TMEM60: variants seen among roughly 807,000 people sequenced by gnomAD.
The protein encoded by TMEM60 is transmembrane protein 60.
In TMEM60, 4 loss-of-function variants were observed where a neutral mutation model predicts 10.7. The ratio of observed to expected loss-of-function variants is 0.37; its 90% CI spans 0.18 to 0.86. The LOEUF (loss-of-function observed/expected upper bound fraction) is 0.86, where lower values mean the gene tolerates loss of function less well. Ranked by LOEUF, TMEM60 falls within the 40% of genes least tolerant of loss-of-function variation. The pLI is 0.43. For missense variants in TMEM60, 128 were observed against 153.4 expected, an observed-to-expected ratio of 0.83 and a Z score of 0.88; for synonymous variants, 56 against 58.1, an observed-to-expected ratio of 0.96 and a Z score of 0.17.
chr7:77,797,964 C>A (rs530812946), intron 1 of TMEM60, among the ~76,000 whole-genome samples: 1 of 152,384 alleles, frequency 6.6e-6, no homozygotes, highest in East Asian at 1.9e-4. Context: ...GGCCTATTTG[C>A]CCCTGGAACT....
At chr7:77,794,900 A>C (rs1792151975) in intron 1 of TMEM60, among the ~76,000 whole-genome samples, 2 of 152,210 alleles carry the variant, frequency 1.3e-5, no homozygotes, top group Non-Finnish European at 2.9e-5. Flanking sequence ...TCATGCCAGT[A>C]ATCCCAGTAT....
chr7:77,798,040 C>A (rs1314942791), intron 1 of TMEM60, among the ~76,000 whole-genome samples: 1 of 152,228 alleles, frequency 6.6e-6, no homozygotes, highest in East Asian at 1.9e-4. Context: ...GGCGCCCCAC[C>A]GGGACGCTCC....
At chr7:77,797,654 G>C (rs377111853) in intron 1 of TMEM60, among the ~76,000 whole-genome samples, 2 of 152,148 alleles carry the variant, frequency 1.3e-5, no homozygotes, top group Admixed American at 6.5e-5. Context: ...TCTGGCACTA[G>C]GAAGACAGTT....
chr7:77,797,956 C>A (rs561992843), intron 1 of TMEM60, among the ~76,000 whole-genome samples: 2 of 152,250 alleles, frequency 1.3e-5, no homozygotes, highest in African/African-American at 4.8e-5. Context: ...CATCTGGGGG[C>A]CTATTTGCCC....
At chr7:77,796,937 C>G (rs759876583) in intron 1 of TMEM60, among the ~76,000 whole-genome samples, 34 of 152,298 alleles carry the variant, frequency 2.2e-4, no homozygotes, top group Non-Finnish European at 3.4e-4. Flanking sequence ...TATTAGTCTC[C>G]TAACTCACCT....
Position 77,793,877 on chromosome 7 carries a change from C to T in TMEM60, c.*95G>A. 2 of 1,353,892 alleles carry T rather than the reference C, an allele frequency of 1.5e-6. No homozygotes were observed. Among genetic ancestry groups the T allele is most frequent in the Admixed American group, 2.8e-5 (1 of 35,506 alleles). The allele number at this position is 1,353,892 out of a possible 1,614,324, so 83.9% of individuals were successfully genotyped here. ...TATAAAACTACATTTGGTATTTTCC[C>T]TCAGTTCTCTGGTATTCTTGAAGCT... On this transcript the variant is annotated 3_prime_UTR_variant, in exon 2 of 2. Coordinates refer to ENST00000257663, the MANE Select transcript of TMEM60 (RefSeq NM_032936.4).
At chr7:77,797,664 T>C (rs1379391161) in intron 1 of TMEM60, among the ~76,000 whole-genome samples, 1 of 152,190 alleles carries the variant, frequency 6.6e-6, no homozygotes, top group Non-Finnish European at 1.5e-5. Context: ...GGAAGACAGT[T>C]AAATATTTGT....
Position 77,794,392 on chromosome 7 carries a change from C to A in TMEM60, c.-19G>T. 6.8e-7 allele frequency: 1 copy of A among 1,464,932 alleles called. No homozygotes were observed. Among genetic ancestry groups the A allele is most frequent in the Non-Finnish European group, 9.0e-7 (1 of 1,109,140 alleles). The allele number at this position is 1,464,932 out of a possible 1,614,324, so 90.7% of individuals were successfully genotyped here. A position where few individuals can be genotyped will look rare whatever the true frequency, so the allele number is the denominator to read the frequency against. ...TTCTCATTTAAACAGTTTAAAGAGG[C>A]TGTTGCAGGATCGGAAAAAAGGAAA... On this transcript the variant is annotated 5_prime_UTR_variant, in exon 2 of 2. Transcript: ENST00000257663.
In TMEM60 at chr7:77,795,864, A is replaced by G. The variant is rs79887267; in HGVS notation, c.-50-1441T>C. Among the ~76,000 whole-genome samples the G allele has an allele frequency of 6.3e-4, 96 of 152,088 alleles. No individual in the cohort carries two copies. In the East Asian group the frequency reaches 0.017, roughly 27 times the overall value. Reference sequence around the variant, plus strand: ...TATGTTTCTCTTTTGCACTAATACTATATGACTTAGTGTTGCTCTAGGAAT... The same window carrying G: ...TATGTTTCTCTTTTGCACTAATACTGTATGACTTAGTGTTGCTCTAGGAAT... On this transcript the variant is annotated intron_variant, in intron 1 of 1. Coordinates refer to ENST00000257663, the MANE Select transcript of TMEM60 (RefSeq NM_032936.4).
chr7:77,797,003 G>A (rs1792183705), intron 1 of TMEM60, among the ~76,000 whole-genome samples: 4 of 152,108 alleles, frequency 2.6e-5, no homozygotes, highest in African/African-American at 7.2e-5. Context: ...ATTGGCAAAG[G>A]CTTCATACTG....
Position 77,798,368 on chromosome 7 carries a change from A to G in TMEM60, c.-165T>C, listed in dbSNP as rs1330871455. 1 of 152,182 alleles carries G rather than the reference A, an allele frequency of 6.6e-6. No individual in the cohort carries two copies. The highest frequency in any genetic ancestry group is 1.5e-5 in the Non-Finnish European group (1 of 68,050). 9.4% of individuals were successfully genotyped at this position (152,182 alleles called of 1,614,324 possible). A position where few individuals can be genotyped will look rare whatever the true frequency, so the allele number is the denominator to read the frequency against. On this transcript the variant is annotated 5_prime_UTR_variant, in exon 1 of 2. The change abolishes an upstream ATG in the 5' untranslated region. Coordinates refer to ENST00000257663, the MANE Select transcript of TMEM60 (RefSeq NM_032936.4). ...CCCCATTAAATCCAGAACCCGTCAC[A>G]TGATAATTAAGAAAAAACTTCAGTT...
Position 77,793,967 on chromosome 7 carries a change from A to C in TMEM60, c.*5T>G. The C allele has an allele frequency of 6.4e-7, 1 of 1,553,212 alleles. No individual in the cohort carries two copies. The highest frequency in any genetic ancestry group is 2.1e-5 in the Admixed American group (1 of 48,218). ...GCAATAGAAAGGAGATGATGTACTT[A>C]GAAGTCAGTCTCTCACAAAAAAGAC... On this transcript the variant is annotated 3_prime_UTR_variant, in exon 2 of 2. Transcript: ENST00000257663.
intron 1 of TMEM60, 76 bp from the exon 2 acceptor site, chr7:77,794,499 C>G: frequency 2.0e-6 from 2 of 989,540 alleles, no homozygotes; most frequent in South Asian, 5.8e-5. Context: ...ATGAACAAAA[C>G]TGGTTCTTTC....
chr7:77,794,558 A>G (rs1156889415), intron 1 of TMEM60, 135 bp from the exon 2 acceptor site: 5 of 559,458 alleles, frequency 8.9e-6, no homozygotes, highest in African/African-American at 7.8e-5. Flanking sequence ...TTCCTTTCAA[A>G]TCCTCTAAAA....
chr7:77,795,681 T>C (rs1036527686), intron 1 of TMEM60, among the ~76,000 whole-genome samples: 1 of 152,224 alleles, frequency 6.6e-6, no homozygotes, highest in Non-Finnish European at 1.5e-5. Context: ...CTTTTAACAA[T>C]AGTCTCACTG....
intron 1 of TMEM60, among the ~76,000 whole-genome samples, chr7:77,797,641 A>G (rs903229539): frequency 1.3e-5 from 2 of 152,176 alleles, no homozygotes; most frequent in African/African-American, 2.4e-5. Flanking sequence ...TAAGGTGGTT[A>G]TTTCTGGCAC....
chr7:77,794,390 G>C lies in TMEM60; in HGVS notation c.-17C>G, dbSNP rs575965914. On this transcript the variant is annotated 5_prime_UTR_variant, in exon 2 of 2. Transcript: ENST00000257663. ...CATTCTCATTTAAACAGTTTAAAGA[G>C]GCTGTTGCAGGATCGGAAAAAAGGA... 1.4e-6 allele frequency: 2 copies of C among 1,473,448 alleles called. No individual in the cohort carries two copies. The highest frequency in any genetic ancestry group is 1.6e-5 in the South Asian group (1 of 62,490). The allele number at this position is 1,473,448 out of a possible 1,614,324, so 91.3% of individuals were successfully genotyped here.
rs1240052417 is a variant in TMEM60 at position 77,793,986 on chromosome 7, A to C, written c.388T>G (p.Phe130Val). 2 of 1,569,660 alleles carry C rather than the reference A, an allele frequency of 1.3e-6. No homozygotes were observed. The highest frequency in any genetic ancestry group is 2.4e-5 in the South Asian group (2 of 83,496). ...ALTELGYNVF[F>V]VRD The stretch of plus-strand genomic sequence containing the variant: ...GTACTTAGAAGTCAGTCTCTCACAA[A>C]AAAGACATTATATCCGAGTTCTGTT... The change falls in exon 2 of 2, where the codon TTT becomes GTT. Residue 130 changes from phenylalanine to valine, a missense_variant. By Grantham distance (50) the Phe-to-Val change is conservative. Coordinates refer to ENST00000257663, the MANE Select transcript of TMEM60 (RefSeq NM_032936.4).
In TMEM60 at chr7:77,794,319, A is replaced by G. The variant is rs766338976; in HGVS notation, c.55T>C (p.Phe19Leu). Residue 19 changes from phenylalanine (F) to leucine (L), a missense_variant, in exon 2 of 2, where the codon TTC becomes CTC. Coordinates refer to ENST00000257663, the MANE Select transcript of TMEM60 (RefSeq NM_032936.4). Reference protein sequence around the residue: ...VLLTWLFTLLFLIMLVLKLDE... With the variant: ...VLLTWLFTLLLLIMLVLKLDE... ...AGTTTCAACACCAACATGATCAAGA[A>G]GAGTAGTGTGAAAAGCCAGGTGAGT... 2 of 1,608,358 alleles carry G rather than the reference A, an allele frequency of 1.2e-6. No homozygotes were observed. Among genetic ancestry groups the G allele is most frequent in the Non-Finnish European group, 1.7e-6 (2 of 1,177,864 alleles).
Sources: gnomAD v4.1 joint callset for allele counts (sites outside exome capture counted in the v4.1 genomes callset) on GRCh38, gnomAD v4.1.1 for gene constraint, MANE v1.5 for transcripts, NCBI Gene and HGNC (gene_info 2026-07-23, HGNC 2026-07-21) for gene names.